Variants in PPP2R1B observed in about 807,000 individuals in gnomAD.
The protein encoded by PPP2R1B is serine/threonine-protein phosphatase 2A 65 kDa regulatory subunit A beta isoform.
A neutral mutation model predicts 72.7 loss-of-function variants in PPP2R1B; 58 were observed. The observed-to-expected ratio is 0.80, with a 90% CI of 0.65 to 0.99. The LOEUF is 0.99. PPP2R1B is among the 50% of genes least tolerant of loss of function. PPP2R1B has a pLI of 0.00. For synonymous variants in PPP2R1B, 256 were observed against 264.6 expected, an observed-to-expected ratio of 0.97 and a Z score of 0.32; for missense variants, 695 against 733.6, an observed-to-expected ratio of 0.95 and a Z score of 0.61.
chr11:111,741,883 G>A, intron 14 of PPP2R1B, 170 bp downstream of exon 14: 1 of 757,026 alleles, frequency 1.3e-6, no homozygotes, highest in Non-Finnish European at 2.3e-6. Flanking sequence ...ATGAGAAAAT[G>A]GTGGGCCAAG....
At chr11:111,735,686 C>T (rs1944319382), downstream of PPP2R1B, among the ~76,000 whole-genome samples, 1 of 152,240 alleles carries the variant, frequency 6.6e-6, no homozygotes, top group Admixed American at 6.5e-5. Context: ...CGGGCCCAGC[C>T]CCAGGGATGT....
chr11:111,752,893 G>A (rs1240022291), intron 9 of PPP2R1B, among the ~76,000 whole-genome samples: 2 of 152,202 alleles, frequency 1.3e-5, no homozygotes, highest in Non-Finnish European at 2.9e-5. Flanking sequence ...AACTCAGGAG[G>A]CGGAGCTTGC....
chr11:111,751,755 A>C (rs1944915413), intron 10 of PPP2R1B, among the ~76,000 whole-genome samples: 2 of 152,236 alleles, frequency 1.3e-5, no homozygotes, highest in Admixed American at 6.5e-5. Context: ...AGGCGGGTGA[A>C]TCACCTGAGG....
chr11:111,741,389 T>A lies in PPP2R1B; in HGVS notation c.*207A>T. 4 of 1,393,268 alleles carry A rather than the reference T, an allele frequency of 2.9e-6. No individual in the cohort carries two copies. Among genetic ancestry groups the A allele is most frequent in the Non-Finnish European group, 3.7e-6 (4 of 1,077,968 alleles). 86.3% of individuals were successfully genotyped at this position (1,393,268 alleles called of 1,614,324 possible). A position where few individuals can be genotyped will look rare whatever the true frequency, so the allele number is the denominator to read the frequency against. ...AATTGGTCAATAAGAACGGCTTAAA[T>A]AATGATTTAACAAGGAAGACGAGTA... On this transcript the variant is annotated 3_prime_UTR_variant, in exon 15 of 15. Transcript: ENST00000527614.
At position 111,766,363 on chromosome 11, in the gene PPP2R1B, T is replaced by G. The variant is rs1252922425; in HGVS notation, c.-2A>C. 1.4e-5 allele frequency: 16 copies of G among 1,146,618 alleles called. No individual in the cohort carries two copies. The highest frequency in any genetic ancestry group is 1.9e-5 in the Non-Finnish European group (16 of 853,954). 71.0% of individuals were successfully genotyped at this position (1,146,618 alleles called of 1,614,324 possible). A position where few individuals can be genotyped will look rare whatever the true frequency, so the allele number is the denominator to read the frequency against. On this transcript the variant is annotated 5_prime_UTR_variant, in exon 1 of 15. Coordinates refer to ENST00000527614, the MANE Select transcript of PPP2R1B (RefSeq NM_002716.5). ...CCCGAGCTCTGATGCGCCCGCCATG[T>G]TCTTTCTCCTCCTGCTGCTGGTCAC...
intron 3 of PPP2R1B, among the ~76,000 whole-genome samples, chr11:111,761,526 C>G (rs76590939): frequency 0.012 from 1,890 of 152,290 alleles, 39 homozygotes; most frequent in African/African-American, 0.042. Context: ...TGCAAGCAAC[C>G]CTTATCCACC....
chr11:111,690,234 C>T, the PPP2R1B span, among the ~76,000 whole-genome samples: 1 of 149,258 alleles, frequency 6.7e-6, no homozygotes, highest in Non-Finnish European at 1.5e-5. Flanking sequence ...TTGAAAGCAT[C>T]GGCTGCCCTA....
At chr11:111,688,724 A>G in the PPP2R1B span, among the ~76,000 whole-genome samples, 1 of 152,176 alleles carries the variant, frequency 6.6e-6, no homozygotes, top group Non-Finnish European at 1.5e-5. The surrounding 1 kb of genome is among the most constrained non-coding windows in gnomAD (Gnocchi z 4.2). Flanking sequence ...GTTTTATTTT[A>G]TATTCTCAGT....
downstream of PPP2R1B, chr11:111,726,645 T>C: frequency 3.1e-6 from 1 of 321,518 alleles, no homozygotes; most frequent in Non-Finnish European, 5.8e-6. Context: ...TCTGATCACC[T>C]GTGCTGCTCT....
At chr11:111,735,961 T>C (rs1467070397), downstream of PPP2R1B, among the ~76,000 whole-genome samples, 1 of 151,934 alleles carries the variant, frequency 6.6e-6, no homozygotes, top group East Asian at 1.9e-4. Context: ...TTTCCTTAAG[T>C]GAAACAAATG....
chr11:111,737,182 G>A (rs1246596333), downstream of PPP2R1B, among the ~76,000 whole-genome samples: 1 of 152,204 alleles, frequency 6.6e-6, no homozygotes, highest in African/African-American at 2.4e-5. Flanking sequence ...TGTTGGACTG[G>A]GAGGTGATAG....
chr11:111,737,102 A>T (rs1944361093), downstream of PPP2R1B, among the ~76,000 whole-genome samples: 4 of 152,252 alleles, frequency 2.6e-5, no homozygotes, highest in African/African-American at 9.6e-5. Flanking sequence ...ATGTGAGGAA[A>T]GTGGGAACAG....
chr11:111,760,284 A>G (rs1945277340), intron 4 of PPP2R1B, among the ~76,000 whole-genome samples: 1 of 152,120 alleles, frequency 6.6e-6, no homozygotes, highest in Non-Finnish European at 1.5e-5. Flanking sequence ...CGGGGGCTCA[A>G]GTGAACTCCC....
At chr11:111,723,397 A>C (rs1425885322), downstream of PPP2R1B, 1 of 1,304,858 alleles carries the variant, frequency 7.7e-7, no homozygotes, top group African/African-American at 1.5e-5. Context: ...AGAGAGACTT[A>C]AGTAGAAGAC....
the PPP2R1B span, among the ~76,000 whole-genome samples, chr11:111,709,249 C>T: frequency 6.6e-6 from 1 of 152,240 alleles, no homozygotes; most frequent in South Asian, 2.1e-4. Context: ...GGTGTCTCTC[C>T]CTCCTCTTAT....
chr11:111,744,851 A>C (rs1010996746), intron 11 of PPP2R1B, among the ~76,000 whole-genome samples: 5 of 152,168 alleles, frequency 3.3e-5, no homozygotes, highest in Non-Finnish European at 7.4e-5. Flanking sequence ...GATTATCAAC[A>C]CTTAAACTGA....
At chr11:111,719,519 G>T in the PPP2R1B span, among the ~76,000 whole-genome samples, 1 of 151,950 alleles carries the variant, frequency 6.6e-6, no homozygotes, top group African/African-American at 2.4e-5. Context: ...GTTGTTTATT[G>T]TAATAATGAT....
downstream of PPP2R1B, among the ~76,000 whole-genome samples, chr11:111,735,602 C>T (rs2136021535): frequency 6.6e-6 from 1 of 152,352 alleles, no homozygotes. Context: ...CCTCCACAGA[C>T]TTCAAGGGTG....
chr11:111,754,377 C>A, intron 8 of PPP2R1B, 122 bp downstream of exon 8: 1 of 1,314,468 alleles, frequency 7.6e-7, no homozygotes, highest in East Asian at 2.7e-5. Context: ...CACATCTTCC[C>A]CATTCATTCC....
Sources: allele counts gnomAD v4.1 joint callset (sites outside exome capture counted in the v4.1 genomes callset), GRCh38; gene constraint gnomAD v4.1.1; non-coding constraint Gnocchi (gnomAD v3.1); transcripts MANE v1.5; gene names NCBI Gene and HGNC (gene_info 2026-07-23, HGNC 2026-07-21).